The following NXPH1 variants were observed in gnomAD, a reference collection of about 807,000 sequenced individuals.
NXPH1 encodes the protein neurexophilin 1.
In NXPH1, 5 loss-of-function variants were observed where a neutral mutation model predicts 23.7. That is an observed-to-expected ratio of 0.21 (90% CI 0.11 to 0.44). The LOEUF is 0.44. Among genes scored for constraint, NXPH1 ranks in the 20% least tolerant of loss-of-function variants. The pLI, the probability that NXPH1 is intolerant of heterozygous loss-of-function variation, is 0.99. For synonymous variants in NXPH1, 144 were observed against 122.2 expected, an observed-to-expected ratio of 1.18 and a Z score of -1.18; for missense variants, 324 against 321.6, an observed-to-expected ratio of 1.01 and a Z score of -0.06.
intron 2 of NXPH1, among the ~76,000 whole-genome samples, chr7:8,729,056 G>C: frequency 6.6e-6 from 1 of 151,938 alleles, no homozygotes; most frequent in Non-Finnish European, 1.5e-5. Context: ...CTTCTTCCTG[G>C]TTTAGTCTTG....
chr7:8,678,496 C>T (rs1189117081), intron 2 of NXPH1, among the ~76,000 whole-genome samples: 5 of 152,130 alleles, frequency 3.3e-5, no homozygotes, highest in Non-Finnish European at 1.5e-5. Flanking sequence ...ATCCTAGCTT[C>T]CTCTGGTTGT....
chr7:8,701,463 T>A (rs1779622190), intron 2 of NXPH1, among the ~76,000 whole-genome samples: 1 of 152,154 alleles, frequency 6.6e-6, no homozygotes, highest in Non-Finnish European at 1.5e-5. Context: ...GTACTTCTTA[T>A]TGTTCTCCCC....
intron 2 of NXPH1, among the ~76,000 whole-genome samples, chr7:8,693,547 TCTC>T: frequency 6.6e-6 from 1 of 152,372 alleles, no homozygotes; most frequent in Admixed American, 6.5e-5. Flanking sequence ...TGTTTCCTCA[TCTC>T]TAAGGCAGGA....
intron 2 of NXPH1, among the ~76,000 whole-genome samples, chr7:8,518,138 G>A (rs1817717167): frequency 6.6e-6 from 1 of 152,064 alleles, no homozygotes; most frequent in African/African-American, 2.4e-5. Context: ...TTATTAGATT[G>A]AAGTTAACAT....
chr7:8,651,046 T>C (rs1000256630), intron 2 of NXPH1, among the ~76,000 whole-genome samples: 2 of 150,750 alleles, frequency 1.3e-5, no homozygotes, highest in South Asian at 4.2e-4. Flanking sequence ...TATGTATACA[T>C]GTGCCATGCT....
At chr7:8,680,408 C>A (rs767104605) in intron 2 of NXPH1, among the ~76,000 whole-genome samples, 8 of 152,146 alleles carry the variant, frequency 5.3e-5, no homozygotes, top group Admixed American at 1.3e-4. Flanking sequence ...GATATGCAGT[C>A]TGTTCTTCCA....
intron 2 of NXPH1, among the ~76,000 whole-genome samples, chr7:8,656,759 G>T: frequency 1.4e-5 from 2 of 147,756 alleles, no homozygotes; most frequent in East Asian, 2.0e-4. Context: ...TGATCTCATT[G>T]TTCAATTCCC....
chr7:8,444,694 G>A (rs755228812), intron 2 of NXPH1, among the ~76,000 whole-genome samples: 2 of 152,154 alleles, frequency 1.3e-5, no homozygotes, highest in Non-Finnish European at 2.9e-5. Flanking sequence ...TCAGTGCCTC[G>A]TCTTCATCGT....
chr7:8,637,285 C>A (rs1234307663), intron 2 of NXPH1, among the ~76,000 whole-genome samples: 2 of 151,494 alleles, frequency 1.3e-5, no homozygotes, highest in Non-Finnish European at 2.9e-5. Context: ...TTCAGTGGTG[C>A]AATCATGGCT....
chr7:8,487,141 T>C (rs1029005839), intron 2 of NXPH1, among the ~76,000 whole-genome samples: 1 of 152,200 alleles, frequency 6.6e-6, no homozygotes, highest in African/African-American at 2.4e-5. Context: ...CTATAAATAG[T>C]AGTTTCCTTT....
intron 2 of NXPH1, among the ~76,000 whole-genome samples, chr7:8,502,000 T>C (rs1817444803): frequency 6.6e-6 from 1 of 150,848 alleles, no homozygotes; most frequent in African/African-American, 2.4e-5. Context: ...TGGAGTGATC[T>C]TGTTGCTTGT....
chr7:8,654,362 G>C (rs182912988), intron 2 of NXPH1, among the ~76,000 whole-genome samples: 2 of 152,272 alleles, frequency 1.3e-5, no homozygotes, highest in Admixed American at 1.3e-4. Context: ...GTGTAGCTCA[G>C]CTGTTTTGAA....
intron 2 of NXPH1, among the ~76,000 whole-genome samples, chr7:8,725,216 G>A (rs189622812): frequency 2.0e-5 from 3 of 152,252 alleles, no homozygotes; most frequent in South Asian, 2.1e-4. Context: ...TAGGACAGGC[G>A]CTGTGACTCA....
At chr7:8,660,669 C>T (rs1206142807) in intron 2 of NXPH1, among the ~76,000 whole-genome samples, 2 of 152,138 alleles carry the variant, frequency 1.3e-5, no homozygotes, top group East Asian at 1.9e-4. Context: ...ATAACAACTG[C>T]AGGCTTCTTT....
chr7:8,489,907 G>A (rs979679297), intron 2 of NXPH1, among the ~76,000 whole-genome samples: 2 of 152,040 alleles, frequency 1.3e-5, no homozygotes, highest in Admixed American at 6.6e-5. Flanking sequence ...TGATGCCCTG[G>A]TTCAAGGTAA....
chr7:8,586,842 G>A (rs999891808), intron 2 of NXPH1, among the ~76,000 whole-genome samples: 1 of 151,982 alleles, frequency 6.6e-6, no homozygotes, highest in Admixed American at 6.6e-5. Flanking sequence ...ATTGATTTGA[G>A]TTGGGAATTT....
At chr7:8,501,227 A>T (rs999223101) in intron 2 of NXPH1, among the ~76,000 whole-genome samples, 1 of 152,054 alleles carries the variant, frequency 6.6e-6, no homozygotes, top group Non-Finnish European at 1.5e-5. Context: ...AGTTCTCACC[A>T]ATGAATTGAA....
chr7:8,547,528 C>A (rs192587477), intron 2 of NXPH1, among the ~76,000 whole-genome samples: 1 of 151,324 alleles, frequency 6.6e-6, no homozygotes, highest in Non-Finnish European at 1.5e-5. Flanking sequence ...GGTACAGGTA[C>A]AGGTTTGTTT....
At chr7:8,617,089 G>T (rs181551455) in intron 2 of NXPH1, among the ~76,000 whole-genome samples, 6 of 152,160 alleles carry the variant, frequency 3.9e-5, no homozygotes, top group Non-Finnish European at 2.9e-5. Flanking sequence ...ACAATTGTTG[G>T]GGGAAAGGGG....
Sources: gnomAD v4.1 joint callset for allele counts (sites outside exome capture counted in the v4.1 genomes callset) on GRCh38, gnomAD v4.1.1 for gene constraint, MANE v1.5 for transcripts, NCBI Gene and HGNC (gene_info 2026-07-23, HGNC 2026-07-21) for gene names.